The following GMDS variants were observed in gnomAD, a reference collection of about 807,000 sequenced individuals.
GMDS encodes GDP-mannose 4,6 dehydratase.
Under a neutral mutation model 49.9 loss-of-function variants are expected in GMDS, and 20 were observed. The observed-to-expected ratio is 0.40, with a 90% CI of 0.28 to 0.58. The LOEUF (loss-of-function observed/expected upper bound fraction) is 0.58, where lower values mean the gene tolerates loss of function less well. GMDS is among the 20% of genes least tolerant of loss of function. GMDS has a pLI of 0.42. For synonymous variants in GMDS, 177 were observed against 178.6 expected (o/e 0.99, Z 0.07); for missense variants, 362 against 481.4 (o/e 0.75, Z 2.32).
chr6:1,948,975 C>T, intron 6 of GMDS: 1 of 440,526 alleles, frequency 2.3e-6, no homozygotes, highest in Non-Finnish European at 3.0e-6. Context: ...GCTGGCACTG[C>T]AGCGTTCACA....
At chr6:1,858,751 G>A (rs571609288) in intron 7 of GMDS, among the ~76,000 whole-genome samples, 28 of 151,726 alleles carry the variant, frequency 1.8e-4, no homozygotes, top group Non-Finnish European at 1.6e-4. Flanking sequence ...CATTTCTATA[G>A]ACCTTCCTGG....
intron 7 of GMDS, among the ~76,000 whole-genome samples, chr6:1,817,885 C>T (rs984876106): frequency 6.6e-6 from 1 of 152,038 alleles, no homozygotes; most frequent in African/African-American, 2.4e-5. Context: ...ACAGAATGAT[C>T]AACTATTTTT....
chr6:1,818,976 AG>A (rs1186092825), intron 7 of GMDS, among the ~76,000 whole-genome samples: 4 of 152,126 alleles, frequency 2.6e-5, no homozygotes, highest in Non-Finnish European at 5.9e-5. Flanking sequence ...ACCTAAGGAA[AG>A]CCGCATGACT....
At chr6:1,914,137 T>TG (rs1489346001) in intron 7 of GMDS, among the ~76,000 whole-genome samples, 3 of 123,544 alleles carry the variant, frequency 2.4e-5, no homozygotes, top group East Asian at 2.4e-4. Context: ...GTTTGTTTTT[T>TG]TTTTTTTTTT....
At chr6:1,901,622 C>T (rs2113859943) in intron 7 of GMDS, among the ~76,000 whole-genome samples, 1 of 152,226 alleles carries the variant, frequency 6.6e-6, no homozygotes, top group African/African-American at 2.4e-5. Flanking sequence ...AATTTTGTTG[C>T]TCTTTCCCAC....
chr6:1,936,338 G>T (rs1478010987), intron 6 of GMDS, among the ~76,000 whole-genome samples: 3 of 152,132 alleles, frequency 2.0e-5, no homozygotes, highest in Non-Finnish European at 2.9e-5. Flanking sequence ...AGACTTGAAG[G>T]CTAAGACTAC....
chr6:2,074,247 T>C (rs542948786), intron 4 of GMDS, among the ~76,000 whole-genome samples: 1 of 152,334 alleles, frequency 6.6e-6, no homozygotes, highest in African/African-American at 2.4e-5. Context: ...CTTGTATTGA[T>C]TTACATTTCC....
chr6:2,048,534 CATAT>C (rs1350528324), intron 4 of GMDS, among the ~76,000 whole-genome samples: 2 of 152,200 alleles, frequency 1.3e-5, no homozygotes, highest in African/African-American at 4.8e-5. Context: ...TTTGCATTTA[CATAT>C]ATATTTTGTA....
intron 1 of GMDS, among the ~76,000 whole-genome samples, chr6:2,151,190 C>T (rs1776826075): frequency 6.6e-6 from 1 of 151,950 alleles, no homozygotes; most frequent in East Asian, 1.9e-4. Flanking sequence ...TTGTTTGTAA[C>T]ACAAAGGATA....
chr6:1,822,182 T>C (rs1189235366), intron 7 of GMDS, among the ~76,000 whole-genome samples: 1 of 152,194 alleles, frequency 6.6e-6, no homozygotes, highest in Non-Finnish European at 1.5e-5. Flanking sequence ...GAACTCAGGG[T>C]GAAAGGTAGC....
At chr6:2,023,792 C>A (rs541658310) in intron 4 of GMDS, among the ~76,000 whole-genome samples, 1 of 151,766 alleles carries the variant, frequency 6.6e-6, no homozygotes, top group African/African-American at 2.4e-5. Flanking sequence ...AAATGCTGCA[C>A]AAAAACCAAA....
intron 9 of GMDS, among the ~76,000 whole-genome samples, chr6:1,713,420 C>CT (rs1197346679): frequency 6.6e-6 from 1 of 152,270 alleles, no homozygotes; most frequent in Non-Finnish European, 1.5e-5. Context: ...GGATCCAGTG[C>CT]TGGCACTGTT....
chr6:1,918,163 A>AT (rs1456179057), intron 7 of GMDS, among the ~76,000 whole-genome samples: 1 of 152,076 alleles, frequency 6.6e-6, no homozygotes, highest in East Asian at 1.9e-4. Flanking sequence ...AAGAGAAGGG[A>AT]TGGGAGAGTG....
At chr6:2,145,616 G>A (rs920217666) in intron 1 of GMDS, among the ~76,000 whole-genome samples, 6 of 151,714 alleles carry the variant, frequency 4.0e-5, no homozygotes, top group South Asian at 2.1e-4. Context: ...CTGCATCCAC[G>A]GATTAAACCA....
chr6:2,035,081 T>G (rs777392891), intron 4 of GMDS, among the ~76,000 whole-genome samples: 47 of 152,148 alleles, frequency 3.1e-4, no homozygotes, highest in Non-Finnish European at 5.7e-4. Flanking sequence ...GGCCTCTAAC[T>G]TATAGCTGAA....
chr6:1,997,665 T>C (rs1487346149), intron 4 of GMDS, among the ~76,000 whole-genome samples: 1 of 152,044 alleles, frequency 6.6e-6, no homozygotes, highest in Non-Finnish European at 1.5e-5. Context: ...GAAATACACC[T>C]GGAAGGGAAG....
intron 9 of GMDS, among the ~76,000 whole-genome samples, chr6:1,631,211 G>A (rs1441048491): frequency 6.6e-6 from 1 of 152,148 alleles, no homozygotes; most frequent in African/African-American, 2.4e-5. Context: ...ATAGACATCA[G>A]CTAATTAAAC....
At chr6:1,796,227 G>A (rs1769729046) in intron 7 of GMDS, among the ~76,000 whole-genome samples, 1 of 152,112 alleles carries the variant, frequency 6.6e-6, no homozygotes, top group Non-Finnish European at 1.5e-5. Context: ...GGCTTACCGA[G>A]ATCTGGGATC....
At chr6:1,982,876 A>C (rs892919603) in intron 4 of GMDS, among the ~76,000 whole-genome samples, 4 of 152,194 alleles carry the variant, frequency 2.6e-5, no homozygotes, top group African/African-American at 9.7e-5. Flanking sequence ...GAAAAAGACT[A>C]CTTTAAAATT....
Sources: allele counts gnomAD v4.1 joint callset (sites outside exome capture counted in the v4.1 genomes callset), GRCh38; gene constraint gnomAD v4.1.1; transcripts MANE v1.5; gene names NCBI Gene and HGNC (gene_info 2026-07-23, HGNC 2026-07-21).